Variants in DTD1 observed in about 807,000 individuals in gnomAD.
The protein encoded by DTD1 is D-tyrosyl-tRNA deacylase 1 homolog.
In DTD1, 13 loss-of-function variants were observed where a neutral mutation model predicts 25.6. The ratio of observed to expected loss-of-function variants is 0.51; its 90% CI spans 0.33 to 0.81. The LOEUF is 0.81. DTD1 is among the 30% of genes least tolerant of loss of function. The probability of loss-of-function intolerance (pLI) is 0.02; values close to 1 mark genes in which losing one functional copy is unlikely to be tolerated. For missense variants in DTD1, 193 were observed against 266.4 expected (o/e 0.72, Z 1.92); for synonymous variants, 110 against 103.6 (o/e 1.06, Z -0.37).
At chr20:18,637,120 GGACCACCCTGCCCT>G (rs1169258435) in intron 4 of DTD1, among the ~76,000 whole-genome samples, 1 of 152,146 alleles carries the variant, frequency 6.6e-6, no homozygotes, top group African/African-American at 2.4e-5. Flanking sequence ...GGTTTCTTCT[GGACCACCCTGCCCT>G]CCCTTCCTCA....
chr20:18,733,513 C>T (rs990931441), intron 4 of DTD1, among the ~76,000 whole-genome samples: 2 of 152,176 alleles, frequency 1.3e-5, no homozygotes, highest in African/African-American at 4.8e-5. Context: ...GACCTCTAAC[C>T]TCTCCCATCC....
At chr20:18,698,316 C>A (rs1242981407) in intron 4 of DTD1, 1 of 152,150 alleles carries the variant, frequency 6.6e-6, no homozygotes, top group African/African-American at 2.4e-5. Context: ...AGTGGACACC[C>A]AGGATGGCAG....
At chr20:18,716,016 T>C (rs1241336698) in intron 4 of DTD1, among the ~76,000 whole-genome samples, 2 of 152,202 alleles carry the variant, frequency 1.3e-5, no homozygotes, top group Non-Finnish European at 2.9e-5. Context: ...GAGTTTGTGC[T>C]AAGGAAAGAC....
chr20:18,709,845 G>T (rs927597425), intron 4 of DTD1, among the ~76,000 whole-genome samples: 2 of 152,130 alleles, frequency 1.3e-5, no homozygotes, highest in Non-Finnish European at 2.9e-5. Flanking sequence ...TCAGGGAGGG[G>T]TGGGACACTT....
At chr20:18,628,577 C>A (rs548568498) in intron 4 of DTD1, among the ~76,000 whole-genome samples, 13 of 152,324 alleles carry the variant, frequency 8.5e-5, no homozygotes, top group Non-Finnish European at 1.6e-4. Context: ...CCGGTTCACC[C>A]ATTCCGAATG....
At chr20:18,665,844 A>G (rs1324989553) in intron 4 of DTD1, among the ~76,000 whole-genome samples, 1 of 152,152 alleles carries the variant, frequency 6.6e-6, no homozygotes, top group Non-Finnish European at 1.5e-5. Context: ...ATTTTGAAAT[A>G]TTTTAGATTT....
intron 5 of DTD1, among the ~76,000 whole-genome samples, chr20:18,748,103 G>C (rs947635167): frequency 6.6e-6 from 1 of 152,058 alleles, no homozygotes; most frequent in African/African-American, 2.4e-5. Context: ...GAACGGGAGA[G>C]GGAGAAACAT....
chr20:18,595,907 T>A, intron 2 of DTD1, 99 bp from the exon 3 acceptor site: 1 of 993,348 alleles, frequency 1.0e-6, no homozygotes, highest in South Asian at 1.4e-5. Flanking sequence ...CATCATTATG[T>A]CCTTATTTGA....
At chr20:18,753,523 G>T (rs372398444) in intron 5 of DTD1, among the ~76,000 whole-genome samples, 1 of 145,264 alleles carries the variant, frequency 6.9e-6, no homozygotes, top group Non-Finnish European at 1.5e-5. Flanking sequence ...CAGGAGAATC[G>T]CTTGAACCAA....
At chr20:18,624,220 C>T (rs2060748472) in intron 3 of DTD1, among the ~76,000 whole-genome samples, 1 of 152,148 alleles carries the variant, frequency 6.6e-6, no homozygotes, top group Admixed American at 6.5e-5. Flanking sequence ...AAGCCGTGTC[C>T]AGCCACAGTG....
chr20:18,588,603 A>C (rs1162268618), intron 1 of DTD1: 1 of 358,262 alleles, frequency 2.8e-6, no homozygotes, highest in Admixed American at 6.5e-5. Context: ...ACAGATGCGG[A>C]GAGTTGCTCC....
intron 4 of DTD1, among the ~76,000 whole-genome samples, chr20:18,717,167 A>G (rs144845411): frequency 5.3e-5 from 8 of 152,342 alleles, no homozygotes; most frequent in Admixed American, 1.3e-4. Flanking sequence ...TTTTACTGCA[A>G]TCTGCAATTT....
chr20:18,732,222 A>C (rs1053651532), intron 4 of DTD1, among the ~76,000 whole-genome samples: 1 of 152,240 alleles, frequency 6.6e-6, no homozygotes, highest in Non-Finnish European at 1.5e-5. Context: ...TTGAAGAAAC[A>C]TTTTGAATCA....
intron 4 of DTD1, among the ~76,000 whole-genome samples, chr20:18,639,030 C>T (rs1267633986): frequency 6.6e-6 from 1 of 152,112 alleles, no homozygotes; most frequent in Non-Finnish European, 1.5e-5. Context: ...GCCTCCAAGG[C>T]CAGCATGGTG....
chr20:18,753,619 A>AAAAAAAAG (rs2061328911), intron 5 of DTD1, among the ~76,000 whole-genome samples: 1 of 150,964 alleles, frequency 6.6e-6, no homozygotes, highest in Non-Finnish European at 1.5e-5. Context: ...AAAAAAAAAA[A>AAAAAAAAG]AAAGACGTTG....
chr20:18,658,886 G>A (rs1450300194), intron 4 of DTD1, among the ~76,000 whole-genome samples: 2 of 152,200 alleles, frequency 1.3e-5, no homozygotes, highest in Non-Finnish European at 2.9e-5. Flanking sequence ...TGCACTTAGA[G>A]AAGCAGCCCC....
At chr20:18,601,163 C>T (rs1257025489) in intron 3 of DTD1, among the ~76,000 whole-genome samples, 6 of 151,964 alleles carry the variant, frequency 3.9e-5, no homozygotes, top group Non-Finnish European at 7.4e-5. Context: ...TTAAGTATGA[C>T]GTTTGCTGTA....
chr20:18,720,223 T>C (rs147970325), intron 4 of DTD1, among the ~76,000 whole-genome samples: 4 of 152,326 alleles, frequency 2.6e-5, no homozygotes, highest in Non-Finnish European at 5.9e-5. Context: ...TTTGAAAAAG[T>C]GTATCACTTA....
chr20:18,715,420 C>T (rs1383722471), intron 4 of DTD1, among the ~76,000 whole-genome samples: 1 of 152,114 alleles, frequency 6.6e-6, no homozygotes, highest in African/African-American at 2.4e-5. Flanking sequence ...TCCCTGTAAG[C>T]TCCCTGTCCT....
Sources: allele counts gnomAD v4.1 joint callset (sites outside exome capture counted in the v4.1 genomes callset), GRCh38; gene constraint gnomAD v4.1.1; transcripts MANE v1.5; gene names NCBI Gene and HGNC (gene_info 2026-07-23, HGNC 2026-07-21).